The following RALGPS1 variants were observed in gnomAD, a reference collection of about 807,000 sequenced individuals.
RALGPS1 encodes Ral GEF with PH domain and SH3 binding motif 1, also known as ras-specific guanine nucleotide-releasing factor RalGPS1.
RALGPS1 carries 19 observed loss-of-function variants against 78.8 expected under a neutral mutation model. The observed-to-expected ratio is 0.24, with a 90% CI of 0.17 to 0.35. The LOEUF (loss-of-function observed/expected upper bound fraction) is 0.35, where lower values mean the gene tolerates loss of function less well. RALGPS1 is among the 10% of genes least tolerant of loss of function. The pLI is 1.00. For missense variants in RALGPS1, 454 were observed against 688.3 expected, an observed-to-expected ratio of 0.66 and a Z score of 3.81; for synonymous variants, 228 against 256.3, an observed-to-expected ratio of 0.89 and a Z score of 1.06.
chr9:127,094,004 A>C (rs762466650), intron 8 of RALGPS1: 43 of 1,521,450 alleles, frequency 2.8e-5, no homozygotes, highest in Non-Finnish European at 3.7e-5. Flanking sequence ...CCAAGCAGGC[A>C]CAACCTCTGT....
intron 1 of RALGPS1, among the ~76,000 whole-genome samples, chr9:126,924,550 T>C (rs1181049598): frequency 6.6e-6 from 1 of 152,224 alleles, no homozygotes; most frequent in South Asian, 2.1e-4. Flanking sequence ...ACTCCCACTT[T>C]CCATGTAAAC....
rs570176913 is a variant in RALGPS1 at position 127,128,037 on chromosome 9, C to T, written c.611-38032C>T. Among the ~76,000 whole-genome samples, 7 of 150,032 alleles carry T rather than the reference C, an allele frequency of 4.7e-5. No individual in the cohort carries two copies. The East Asian group carries it at 1.4e-3, about 29-fold the overall frequency. Reference sequence around the variant, plus strand: ...CTATCCCTCCCCCAGCCCCCCACCCCCCTCTCTGTGTCCATGTGTTCTCAT... The same window carrying T: ...CTATCCCTCCCCCAGCCCCCCACCCTCCTCTCTGTGTCCATGTGTTCTCAT... On this transcript the variant is annotated intron_variant, in intron 8 of 18. Transcript: ENST00000259351.
At chr9:127,168,408 T>G (rs752060768) in intron 9 of RALGPS1, among the ~76,000 whole-genome samples, 18 of 152,154 alleles carry the variant, frequency 1.2e-4, no homozygotes, top group Non-Finnish European at 1.9e-4. Context: ...AGCTCCTCCT[T>G]CCTGGCTAAA....
At chr9:126,971,371 T>TTC (rs1313482644) in intron 3 of RALGPS1, among the ~76,000 whole-genome samples, 1 of 152,060 alleles carries the variant, frequency 6.6e-6, no homozygotes, top group Non-Finnish European at 1.5e-5. Context: ...GACATATTTT[T>TTC]TTTTTTACAA....
At chr9:126,929,361 T>G (rs2035590535) in intron 1 of RALGPS1, among the ~76,000 whole-genome samples, 1 of 152,240 alleles carries the variant, frequency 6.6e-6, no homozygotes, top group Admixed American at 6.5e-5. Context: ...TCTTATTGGC[T>G]GTGAAGAAGA....
chr9:127,103,382 C>T (rs1282596057), intron 8 of RALGPS1, among the ~76,000 whole-genome samples: 3 of 152,180 alleles, frequency 2.0e-5, no homozygotes, highest in African/African-American at 7.2e-5. Context: ...GGGACCTCCT[C>T]ATGTGGTCCC....
chr9:127,184,222 C>A, intron 11 of RALGPS1: 1 of 597,834 alleles, frequency 1.7e-6, no homozygotes, highest in Non-Finnish European at 2.9e-6. Context: ...CTCCTCAGGG[C>A]TTAGGCGAGA....
chr9:126,986,420 G>A (rs902224215), intron 4 of RALGPS1, among the ~76,000 whole-genome samples: 3 of 152,162 alleles, frequency 2.0e-5, no homozygotes, highest in Admixed American at 6.5e-5. Context: ...ATTCCTGGGT[G>A]GATTCCTGGC....
At chr9:127,086,130 A>G (rs1325378695) in intron 8 of RALGPS1, among the ~76,000 whole-genome samples, 2 of 152,144 alleles carry the variant, frequency 1.3e-5, no homozygotes, top group Non-Finnish European at 2.9e-5. Flanking sequence ...ACGGACACAC[A>G]CACACGCCTG....
At chr9:126,993,136 T>C (rs541626632) in intron 4 of RALGPS1, among the ~76,000 whole-genome samples, 12 of 152,348 alleles carry the variant, frequency 7.9e-5, no homozygotes, top group Non-Finnish European at 1.6e-4. Flanking sequence ...CATAATCATA[T>C]GGTTTTTCTT....
intron 8 of RALGPS1, among the ~76,000 whole-genome samples, chr9:127,078,128 A>G (rs1041897792): frequency 2.0e-5 from 3 of 152,142 alleles, no homozygotes; most frequent in Non-Finnish European, 4.4e-5. Context: ...CCTCGACCCC[A>G]GGCTCAAACA....
At chr9:127,141,757 C>T (rs1373365914) in intron 8 of RALGPS1, among the ~76,000 whole-genome samples, 1 of 151,848 alleles carries the variant, frequency 6.6e-6, no homozygotes, top group African/African-American at 2.4e-5. Flanking sequence ...GGACAACTGG[C>T]AGGCTTTTGC....
At chr9:127,054,416 C>A (rs1176920639) in intron 7 of RALGPS1, among the ~76,000 whole-genome samples, 2 of 152,194 alleles carry the variant, frequency 1.3e-5, no homozygotes, top group Non-Finnish European at 2.9e-5. Flanking sequence ...TCTCAACAAT[C>A]CCTATAAGCT....
intron 14 of RALGPS1, among the ~76,000 whole-genome samples, chr9:127,201,279 C>T (rs111854666): frequency 3.3e-5 from 5 of 152,234 alleles, no homozygotes; most frequent in Admixed American, 1.3e-4. Context: ...TTGAAACATC[C>T]CTGCAGGGAG....
At chr9:127,156,078 GT>G (rs2058694739) in intron 8 of RALGPS1, among the ~76,000 whole-genome samples, 1 of 152,116 alleles carries the variant, frequency 6.6e-6, no homozygotes, top group African/African-American at 2.4e-5. Flanking sequence ...CATACCTGAT[GT>G]TTTTCACTTA....
At chr9:127,153,104 A>G (rs2058514395) in intron 8 of RALGPS1, among the ~76,000 whole-genome samples, 1 of 152,172 alleles carries the variant, frequency 6.6e-6, no homozygotes. Context: ...TGTGAACATC[A>G]CATATGACAT....
chr9:127,194,183 C>T (rs932834971), intron 11 of RALGPS1, among the ~76,000 whole-genome samples: 1 of 152,232 alleles, frequency 6.6e-6, no homozygotes, highest in South Asian at 2.1e-4. Flanking sequence ...TCATGGACTT[C>T]TGACCACCTG....
chr9:127,062,040 A>C (rs764861439), intron 7 of RALGPS1, among the ~76,000 whole-genome samples: 6 of 152,216 alleles, frequency 3.9e-5, no homozygotes, highest in African/African-American at 7.2e-5. Flanking sequence ...GTGCATATGC[A>C]TGTGATTGGA....
At chr9:127,216,828 G>A in intron 18 of RALGPS1, 1 of 1,336,210 alleles carries the variant, frequency 7.5e-7, no homozygotes, top group Non-Finnish European at 9.9e-7. Flanking sequence ...CACACCATGT[G>A]TGTCTGGGGT....
Sources: allele counts gnomAD v4.1 joint callset (sites outside exome capture counted in the v4.1 genomes callset), GRCh38; gene constraint gnomAD v4.1.1; transcripts MANE v1.5; gene names NCBI Gene and HGNC (gene_info 2026-07-23, HGNC 2026-07-21).